Variants in STIP1 observed in about 807,000 individuals in gnomAD.
The protein encoded by STIP1 is stress induced phosphoprotein 1.
Under a neutral mutation model 77.4 loss-of-function variants are expected in STIP1, and 16 were observed. The ratio of observed to expected loss-of-function variants is 0.21; its 90% confidence interval spans 0.14 to 0.31. The LOEUF (loss-of-function observed/expected upper bound fraction) is 0.31, where lower values mean the gene tolerates loss of function less well. Ranked by LOEUF, STIP1 falls within the 10% of genes least tolerant of loss-of-function variation. The probability of loss-of-function intolerance (pLI) is 1.00; values close to 1 mark genes in which losing one functional copy is unlikely to be tolerated. For missense variants in STIP1, 524 were observed against 684.8 expected, an observed-to-expected ratio of 0.77 and a Z score of 2.62; for synonymous variants, 258 against 246.6, an observed-to-expected ratio of 1.05 and a Z score of -0.44.
At chr11:64,191,624 T>TA (rs1449150465) in intron 1 of STIP1, among the ~76,000 whole-genome samples, 1 of 151,882 alleles carries the variant, frequency 6.6e-6, no homozygotes, top group African/African-American at 2.4e-5. Flanking sequence ...TAATAATAAA[T>TA]ACAATGAGCT....
At chr11:64,203,712 C>T in intron 13 of STIP1, 90 bp downstream of exon 13, 1 of 1,519,466 alleles carries the variant, frequency 6.6e-7, no homozygotes, top group South Asian at 1.2e-5. Flanking sequence ...TATGCTCAGT[C>T]TGCGAGGAAG....
At position 64,199,967 on chromosome 11, in the gene STIP1, C is replaced by T. The variant is rs770482192; in HGVS notation, c.1051C>T (p.Arg351Trp). ...QAEKILKEQE[R>W]LAYINPDLAL... ...AGAGAAAATCCTGAAGGAGCAAGAGCGGCTGGCCTACATAAACCCCGACCT... is the reference window on the plus strand; with the variant it reads ...AGAGAAAATCCTGAAGGAGCAAGAGTGGCTGGCCTACATAAACCCCGACCT... The change falls in exon 9 of 14, where the codon CGG becomes TGG. Residue 351 changes from arginine (R) to tryptophan (W), a missense_variant. Transcript: ENST00000305218. 6 of 1,614,096 alleles carry T rather than the reference C, an allele frequency of 3.7e-6. No individual in the cohort carries two copies. Among genetic ancestry groups the T allele is most frequent in the Admixed American group, 1.7e-5 (1 of 60,012 alleles).
At chr11:64,201,474 C>T (rs1227490901) in intron 10 of STIP1, among the ~76,000 whole-genome samples, 1 of 152,198 alleles carries the variant, frequency 6.6e-6, no homozygotes, top group African/African-American at 2.4e-5. Context: ...AATTGTTTGA[C>T]ACTGTGGAGT....
intron 13 of STIP1, 117 bp from the exon 14 acceptor site, chr11:64,203,937 G>T (rs375407418): frequency 1.5e-6 from 2 of 1,290,884 alleles, no homozygotes; most frequent in Non-Finnish European, 2.2e-6. Context: ...CCCGGGCCTC[G>T]CCAGGACCCC....
intron 1 of STIP1, among the ~76,000 whole-genome samples, chr11:64,192,010 CTT>C (rs1946098401): frequency 1.3e-5 from 2 of 151,950 alleles, no homozygotes; most frequent in Admixed American, 6.6e-5. Context: ...AGCTGCCTCA[CTT>C]TTTAAAACTG....
intron 1 of STIP1, among the ~76,000 whole-genome samples, chr11:64,188,879 T>C (rs1051854296): frequency 2.0e-5 from 3 of 152,198 alleles, no homozygotes; most frequent in Non-Finnish European, 4.4e-5. Flanking sequence ...TCTCTACCTT[T>C]TGTTTTCATT....
chr11:64,190,956 G>C (rs1946085656), intron 1 of STIP1, among the ~76,000 whole-genome samples: 1 of 152,152 alleles, frequency 6.6e-6, no homozygotes, highest in Non-Finnish European at 1.5e-5. Context: ...GGGAGGCCAA[G>C]GCAGGCAGAT....
At chr11:64,197,749 G>T in intron 7 of STIP1, 105 bp from the exon 8 acceptor site, 1 of 1,558,406 alleles carries the variant, frequency 6.4e-7, no homozygotes, top group Non-Finnish European at 8.7e-7. Flanking sequence ...GACAAAAGGT[G>T]TTGAAGGCAG....
chr11:64,193,773 A>G (rs1946117760), intron 2 of STIP1, among the ~76,000 whole-genome samples: 2 of 152,032 alleles, frequency 1.3e-5, no homozygotes, highest in African/African-American at 4.8e-5. Flanking sequence ...GTGACACGGC[A>G]AGACCCTGTC....
intron 10 of STIP1, chr11:64,202,637 C>G: frequency 1.8e-6 from 1 of 565,242 alleles, no homozygotes; most frequent in Non-Finnish European, 3.2e-6. Flanking sequence ...ATGTACTCTT[C>G]AGTTTCTCAA....
rs376704028 is a variant in STIP1, at chr11:64,194,630, C to T, written c.503+10C>T. On this transcript the variant is annotated intron_variant, in intron 4 of 13. Coordinates refer to ENST00000305218, the MANE Select transcript of STIP1 (RefSeq NM_006819.3). ...CTTCTGACCTGGGCACGTAAGTGGA[C>T]GCCGCTCACTGAGGTTCTGGAAATC... The T allele has an allele frequency of 1.6e-5, 25 of 1,610,792 alleles. No individual in the cohort carries two copies. Among genetic ancestry groups the T allele is most frequent in the Middle Eastern group, 1.6e-4 (1 of 6,076 alleles).
rs776523901 is a variant in STIP1 at position 64,199,968 on chromosome 11, G to A, written c.1052G>A (p.Arg351Gln). Reference protein sequence around the residue: ...QAEKILKEQERLAYINPDLAL... With the variant: ...QAEKILKEQEQLAYINPDLAL... ...GAGAAAATCCTGAAGGAGCAAGAGC[G>A]GCTGGCCTACATAAACCCCGACCTG... Residue 351 changes from arginine (R) to glutamine (Q), a missense_variant, in exon 9 of 14, where the codon CGG becomes CAG. By Grantham distance (43) the Arg-to-Gln change is conservative. Transcript: ENST00000305218. The A allele has an allele frequency of 1.4e-5, 22 of 1,614,018 alleles. No homozygotes were observed. Among genetic ancestry groups the A allele is most frequent in the Middle Eastern group, 1.6e-4 (1 of 6,076 alleles).
chr11:64,197,429 G>T lies in STIP1; in HGVS notation c.799+32G>T, dbSNP rs201627448. 5.0e-6 allele frequency: 8 copies of T among 1,614,122 alleles called. No individual in the cohort carries two copies. The South Asian group carries it at 8.8e-5, about 18-fold the overall frequency. On this transcript the variant is annotated intron_variant, in intron 6 of 13. Coordinates refer to ENST00000305218, the MANE Select transcript of STIP1 (RefSeq NM_006819.3). Reference sequence around the variant, plus strand: ...CCCAGAAACAAGGGGCAAGGGAATTGTTGGGTGTCTCTGAGGGAGGAAGCA... The same window carrying T: ...CCCAGAAACAAGGGGCAAGGGAATTTTTGGGTGTCTCTGAGGGAGGAAGCA...
upstream of STIP1, chr11:64,185,762 G>C (rs912464924): frequency 1.3e-6 from 2 of 1,527,630 alleles, no homozygotes; most frequent in East Asian, 2.5e-5. Flanking sequence ...AAACCAATCA[G>C]CGCAAAGAGT....
At chr11:64,195,146 C>T (rs1675595062) in intron 4 of STIP1, among the ~76,000 whole-genome samples, 1 of 151,932 alleles carries the variant, frequency 6.6e-6, no homozygotes. Context: ...TGGAGTCTCG[C>T]TCTGTCCCCT....
intron 1 of STIP1, among the ~76,000 whole-genome samples, chr11:64,189,388 A>G (rs974286722): frequency 2.0e-5 from 3 of 149,888 alleles, no homozygotes; most frequent in Non-Finnish European, 3.0e-5. Context: ...ATAAGCGGAC[A>G]TTGTGGTGCG....
intron 13 of STIP1, 62 bp downstream of exon 13, chr11:64,203,684 C>A (rs1402213732): frequency 6.2e-7 from 1 of 1,601,690 alleles, no homozygotes; most frequent in East Asian, 2.2e-5. Context: ...CAGATGAGTG[C>A]ACGCGGCTGG....
intron 10 of STIP1, among the ~76,000 whole-genome samples, chr11:64,202,136 G>A (rs1946225197): frequency 6.6e-6 from 1 of 152,192 alleles, no homozygotes; most frequent in African/African-American, 2.4e-5. Flanking sequence ...ACCAGACCAA[G>A]GCCTGATGCC....
At chr11:64,188,802 C>T (rs950630582) in intron 1 of STIP1, among the ~76,000 whole-genome samples, 1 of 152,214 alleles carries the variant, frequency 6.6e-6, no homozygotes, top group Non-Finnish European at 1.5e-5. Flanking sequence ...TACAGATGAC[C>T]TGGCATTTAA....
Sources: allele counts gnomAD v4.1 joint callset (sites outside exome capture counted in the v4.1 genomes callset), GRCh38; gene constraint gnomAD v4.1.1; transcripts MANE v1.5; gene names NCBI Gene and HGNC (gene_info 2026-07-23, HGNC 2026-07-21).